CRLS1: variants seen among roughly 807,000 people sequenced by gnomAD.
CRLS1 encodes the protein cardiolipin synthase 1, also known as cardiolipin synthase (CMP-forming).
CRLS1 carries 24 observed loss-of-function variants against 37.0 expected under a neutral mutation model. The ratio of observed to expected loss-of-function variants is 0.65; its 90% confidence interval spans 0.47 to 0.91. CRLS1 has a LOEUF of 0.91. CRLS1 is among the 40% of genes least tolerant of loss of function. The probability of loss-of-function intolerance (pLI) is 0.00; values close to 1 mark genes in which losing one functional copy is unlikely to be tolerated. For missense variants in CRLS1, 373 were observed against 395.8 expected, an observed-to-expected ratio of 0.94 and a Z score of 0.49; for synonymous variants, 135 against 159.7, an observed-to-expected ratio of 0.85 and a Z score of 1.17.
intron 1 of CRLS1, chr20:6,007,515 T>A (rs959870652): frequency 3.5e-6 from 4 of 1,158,822 alleles, no homozygotes; most frequent in East Asian, 5.0e-5. Flanking sequence ...TGAAATATTC[T>A]ATGTGGAGCT....
rs150402374 is a variant in CRLS1, at chr20:6,012,614, G to GT, written c.444+2705dup. ...ATGGGCAACACTTGAGTAGGGCAGA[G>GT]TTTAAGGGAGAATACTAAGAATTCT... is the stretch of plus-strand genomic sequence containing the variant. On this transcript the variant is annotated intron_variant, in intron 2 of 6. Transcript: ENST00000378863. Among the ~76,000 whole-genome samples, 212 of 152,312 alleles carry GT rather than the reference G, an allele frequency of 1.4e-3. 6 individuals are homozygous for GT. In the East Asian group the frequency reaches 0.032, roughly 23 times the overall value.
At chr20:6,012,030 G>GTTTTTTTTT (rs11481861) in intron 2 of CRLS1, among the ~76,000 whole-genome samples, 1 of 147,708 alleles carries the variant, frequency 6.8e-6, no homozygotes. Context: ...TGTCTGCTAC[G>GTTTTTTTTT]TTTTTTTTTT....
chr20:6,033,101 TTTTATTTTAATTTAA>T (rs1980298030), intron 5 of CRLS1, among the ~76,000 whole-genome samples: 2 of 149,748 alleles, frequency 1.3e-5, no homozygotes, highest in African/African-American at 4.9e-5. Flanking sequence ...TTATATTTTA[TTTTATTTTAATTTAA>T]TTTAATTTTA....
At chr20:6,016,472 T>TGTGTGTGA (rs1362204044) in intron 3 of CRLS1, among the ~76,000 whole-genome samples, 2 of 134,160 alleles carry the variant, frequency 1.5e-5, no homozygotes, top group African/African-American at 5.3e-5. Context: ...TGTGTGTGTG[T>TGTGTGTGA]GTGAGTTTTC....
At chr20:6,031,468 G>A in intron 4 of CRLS1, 98 bp downstream of exon 4, 1 of 851,830 alleles carries the variant, frequency 1.2e-6, no homozygotes, top group Non-Finnish European at 1.8e-6. Context: ...TCAATTGATG[G>A]CACGTGAAAC....
At chr20:6,010,748 A>G (rs541742600) in intron 2 of CRLS1, among the ~76,000 whole-genome samples, 2 of 152,392 alleles carry the variant, frequency 1.3e-5, no homozygotes, top group East Asian at 3.9e-4. Context: ...TTCGAAATGC[A>G]TTATAAAACT....
At chr20:6,011,741 A>G (rs929340471) in intron 2 of CRLS1, among the ~76,000 whole-genome samples, 1 of 150,204 alleles carries the variant, frequency 6.7e-6, no homozygotes, top group Admixed American at 6.6e-5. Flanking sequence ...ATGCACCACC[A>G]TGCCTGGCTA....
chr20:6,027,305 G>A (rs1213899768), intron 3 of CRLS1, among the ~76,000 whole-genome samples: 1 of 151,892 alleles, frequency 6.6e-6, no homozygotes, highest in Non-Finnish European at 1.5e-5. Flanking sequence ...GGCTGGTCTC[G>A]AACTCCTGAC....
chr20:6,022,355 T>TC (rs1979344306), intron 3 of CRLS1, among the ~76,000 whole-genome samples: 3 of 119,998 alleles, frequency 2.5e-5, no homozygotes, highest in East Asian at 5.2e-4. Flanking sequence ...TTTTTTTTTT[T>TC]CAAGACAGGG....
chr20:6,027,806 C>T (rs1208717841), intron 3 of CRLS1, among the ~76,000 whole-genome samples: 1 of 152,168 alleles, frequency 6.6e-6, no homozygotes, highest in Non-Finnish European at 1.5e-5. Context: ...GTAAAAATCA[C>T]GCTTAGCCAC....
chr20:6,008,090 CTTTTTTTTT>C (rs11479572), intron 1 of CRLS1, among the ~76,000 whole-genome samples: 1 of 138,440 alleles, frequency 7.2e-6, no homozygotes, highest in Non-Finnish European at 1.6e-5. Context: ...TTAGAGAATA[CTTTTTTTTT>C]TTTTTTTTTA....
intron 1 of CRLS1, chr20:6,007,147 C>T (rs1369646815): frequency 9.7e-7 from 1 of 1,031,978 alleles, no homozygotes; most frequent in Non-Finnish European, 1.3e-6. Flanking sequence ...CAGAAGACAC[C>T]CGAGCATGAG....
chr20:6,017,074 C>T (rs1411453522), intron 3 of CRLS1, among the ~76,000 whole-genome samples: 1 of 152,094 alleles, frequency 6.6e-6, no homozygotes, highest in East Asian at 1.9e-4. Flanking sequence ...TCATTGCAGC[C>T]TTAACCTCCC....
intron 2 of CRLS1, among the ~76,000 whole-genome samples, chr20:6,014,253 T>C (rs1375476602): frequency 6.6e-6 from 1 of 152,164 alleles, no homozygotes; most frequent in African/African-American, 2.4e-5. Context: ...AAATAACTTA[T>C]CCAAGATCAC....
chr20:6,034,510 C>T lies in CRLS1; in HGVS notation c.776C>T (p.Ala259Val). Reference sequence around the variant, plus strand: ...ATCTTGGTGGCAGCTTCTTTGGCAGCTCCAGTTTTCAACTATGCTGACAGC... The same window carrying T: ...ATCTTGGTGGCAGCTTCTTTGGCAGTTCCAGTTTTCAACTATGCTGACAGC... ...QLILVAASLA[A>V]PVFNYADSIY... is the part of the protein sequence containing the mutation. The change falls in exon 6 of 7, where the codon GCT becomes GTT. Residue 259 changes from alanine to valine, a missense_variant. Transcript: ENST00000378863. 1 of 1,613,094 alleles carries T rather than the reference C, an allele frequency of 6.2e-7. No homozygotes were observed. The highest frequency in any genetic ancestry group is 1.3e-5 in the African/African-American group (1 of 75,018).
chr20:6,024,529 C>G (rs910576439), intron 3 of CRLS1, among the ~76,000 whole-genome samples: 3 of 152,180 alleles, frequency 2.0e-5, no homozygotes, highest in African/African-American at 7.2e-5. Flanking sequence ...CCTCCCTATT[C>G]CCTGAGACAC....
chr20:6,034,594 A>G, intron 6 of CRLS1, 39 bp downstream of exon 6: 1 of 1,399,990 alleles, frequency 7.1e-7, no homozygotes, highest in Non-Finnish European at 1.0e-6. Flanking sequence ...GAATGTCAAC[A>G]GAATGACTTA....
At chr20:6,024,272 ATAAT>A (rs1979500104) in intron 3 of CRLS1, among the ~76,000 whole-genome samples, 1 of 152,162 alleles carries the variant, frequency 6.6e-6, no homozygotes, top group Admixed American at 6.5e-5. Flanking sequence ...TCACGTTATA[ATAAT>A]TCTGCCAATA....
intron 1 of CRLS1, chr20:6,007,241 C>T (rs1262675473): frequency 1.3e-6 from 2 of 1,506,956 alleles, no homozygotes; most frequent in East Asian, 2.5e-5. Flanking sequence ...GGCCCCTGTA[C>T]TGCTTTCATC....
Sources: gnomAD v4.1 joint callset for allele counts (sites outside exome capture counted in the v4.1 genomes callset) on GRCh38, gnomAD v4.1.1 for gene constraint, MANE v1.5 for transcripts, NCBI Gene and HGNC (gene_info 2026-07-23, HGNC 2026-07-21) for gene names.